The following DARS2 variants were observed in gnomAD, a reference collection of about 807,000 sequenced individuals.
The protein encoded by DARS2 is aspartate--tRNA ligase, mitochondrial.
A neutral mutation model predicts 83.0 loss-of-function variants in DARS2; 63 were observed. The observed-to-expected ratio is 0.76, with a 90% CI of 0.62 to 0.94. The LOEUF (loss-of-function observed/expected upper bound fraction) is 0.94. Ranked by LOEUF, DARS2 falls within the 40% of genes least tolerant of loss-of-function variation. The pLI is 0.00. For synonymous variants in DARS2, 250 were observed against 269.3 expected (o/e 0.93, Z 0.70); for missense variants, 675 against 774.4 (o/e 0.87, Z 1.52).
chr1:173,828,052 A>G (rs1255791913), intron 2 of DARS2, among the ~76,000 whole-genome samples: 2 of 152,214 alleles, frequency 1.3e-5, no homozygotes, highest in Non-Finnish European at 2.9e-5. Context: ...TTAATAAGCC[A>G]TCTGTATAAG....
chr1:173,842,528 C>G (rs1653269844), intron 11 of DARS2, among the ~76,000 whole-genome samples: 1 of 149,978 alleles, frequency 6.7e-6, no homozygotes, highest in African/African-American at 2.4e-5. Context: ...GTCTCAAACT[C>G]CTGACCTCAG....
intron 2 of DARS2, among the ~76,000 whole-genome samples, chr1:173,827,404 C>T (rs538140888): frequency 2.0e-5 from 3 of 152,026 alleles, no homozygotes; most frequent in Non-Finnish European, 4.4e-5. Context: ...CCGAGGCGGG[C>T]GGATCACGAG....
Position 173,825,273 on chromosome 1 carries a change from C to T in DARS2, c.44C>T (p.Ser15Phe), listed in dbSNP as rs372766904. Residue 15 changes from serine (S) to phenylalanine (F), a missense_variant, in exon 1 of 17, where the codon TCC (serine) becomes TTC (phenylalanine). Ser to Phe is a radical substitution (Grantham distance 155). Coordinates refer to ENST00000649689, the MANE Select transcript of DARS2 (RefSeq NM_018122.5). ...TTAAGTCAGCTGTACAGGGGTTTAT[C>T]CAGACCCATCAGAAGGACCACCCAA... ...SWLSQLYRGLSRPIRRTTQPI... is the reference protein window; with the variant it reads ...SWLSQLYRGLFRPIRRTTQPI... The T allele has an allele frequency of 1.7e-5, 28 of 1,613,630 alleles. No individual in the cohort carries two copies. In the South Asian group the frequency reaches 3.0e-4, roughly 17 times the overall value.
rs545287779 is a variant in DARS2 at position 173,844,616 on chromosome 1, G to A, written c.1129-613G>A. On this transcript the variant is annotated intron_variant, in intron 11 of 16. Coordinates refer to ENST00000649689, the MANE Select transcript of DARS2 (RefSeq NM_018122.5). ...ACCTGGGAGGTGGAGGTTTTAGTGA[G>A]CTGAGATCACGCCACTGTACTCCAG... 6.3e-5 allele frequency among the ~76,000 whole-genome samples: 8 copies of A among 127,514 alleles called. No homozygotes were observed. In the South Asian group the frequency reaches 1.1e-3, roughly 18 times the overall value. 83.7% of individuals were successfully genotyped at this position (127,514 alleles called of 152,430 possible).
chr1:173,853,729 G>T, intron 14 of DARS2, 66 bp from the exon 15 acceptor site: 1 of 1,521,546 alleles, frequency 6.6e-7, no homozygotes, highest in East Asian at 2.3e-5. Context: ...AATCTACAGG[G>T]TCTTCAACCC....
In DARS2 at chr1:173,838,210, G is replaced by C; in HGVS notation, c.791G>C (p.Cys264Ser). ...GLDRYFQVAR[C>S]YRDEGSRPDR... ...TGTAGATATTTTCAGGTTGCCCGAT[G>C]TTATCGAGATGAAGGTTCAAGACCA... is the stretch of plus-strand genomic sequence containing the variant. The change falls in exon 9 of 17, where the codon TGT becomes TCT. Residue 264 changes from cysteine (C) to serine (S), a missense_variant. Physicochemically the swap from Cys to Ser is moderately radical, Grantham distance 112. Coordinates refer to ENST00000649689, the MANE Select transcript of DARS2 (RefSeq NM_018122.5). 24 of 1,613,590 alleles carry C rather than the reference G, an allele frequency of 1.5e-5. No individual in the cohort carries two copies. Among genetic ancestry groups the C allele is most frequent in the Non-Finnish European group, 1.9e-5 (23 of 1,179,530 alleles).
At chr1:173,842,284 C>CTTTTTTTTTTTTTATTTTTTT (rs1653252178) in intron 11 of DARS2, among the ~76,000 whole-genome samples, 1 of 64,224 alleles carries the variant, frequency 1.6e-5, no homozygotes, top group African/African-American at 6.7e-5. Context: ...TCATTACTTT[C>CTTTTTTTTTTTTTATTTTTTT]TTTTTTTTTT....
rs375033233 is a variant in DARS2 at position 173,831,522 on chromosome 1, C to T, written c.397-13C>T. The T allele has an allele frequency of 5.6e-6, 9 of 1,597,896 alleles. No homozygotes were observed. The highest frequency in any genetic ancestry group is 6.9e-6 in the Non-Finnish European group (8 of 1,165,354). On this transcript the variant is annotated splice_polypyrimidine_tract_variant and intron_variant, in intron 4 of 16. Coordinates refer to ENST00000649689, the MANE Select transcript of DARS2 (RefSeq NM_018122.5). ...TGAGTAATTTTTAAAACCCTTCCTT[C>T]TCACTCTCCAAGAAAATGCCAACAG...
chr1:173,834,757 TGGTTTGTTTTGGGTTTTTTTTTTTG>T (rs1652930080), intron 7 of DARS2, among the ~76,000 whole-genome samples: 3 of 63,950 alleles, frequency 4.7e-5, no homozygotes, highest in African/African-American at 6.1e-5. Flanking sequence ...TTTTTTTTTT[TGGTTTGTTTTGGGTTTTTTTTTTTG>T]TTTTTTTTTT....
chr1:173,843,544 A>C (rs1040858675), intron 11 of DARS2, among the ~76,000 whole-genome samples: 2 of 152,188 alleles, frequency 1.3e-5, no homozygotes, highest in African/African-American at 4.8e-5. Context: ...TGGGCAACAG[A>C]GTGAGACTCC....
At chr1:173,848,133 G>T (rs1653513309) in intron 12 of DARS2, among the ~76,000 whole-genome samples, 1 of 152,096 alleles carries the variant, frequency 6.6e-6, no homozygotes. Context: ...GATTACAGGC[G>T]TGAGCCACCG....
chr1:173,832,646 G>A (rs1158300957), intron 5 of DARS2, among the ~76,000 whole-genome samples: 4 of 151,886 alleles, frequency 2.6e-5, no homozygotes, highest in Non-Finnish European at 5.9e-5. Flanking sequence ...GCAGGCACTT[G>A]TAGTCCCAGC....
chr1:173,849,296 G>A (rs1157231226), intron 12 of DARS2, among the ~76,000 whole-genome samples: 6 of 151,926 alleles, frequency 3.9e-5, no homozygotes, highest in African/African-American at 1.4e-4. Context: ...CACTTTGGGA[G>A]GCCAAGGCGG....
At chr1:173,825,554 C>T (rs540376025) in intron 1 of DARS2, among the ~76,000 whole-genome samples, 198 bp downstream of exon 1, 1 of 151,828 alleles carries the variant, frequency 6.6e-6, no homozygotes, top group East Asian at 1.9e-4. Flanking sequence ...CTGCAAGCTC[C>T]GCCTCCCGGG....
intron 12 of DARS2, among the ~76,000 whole-genome samples, chr1:173,847,932 A>G (rs1653499448): frequency 6.9e-6 from 1 of 145,646 alleles, no homozygotes; most frequent in Non-Finnish European, 1.5e-5. Context: ...GGCTCACTGC[A>G]AGCTCCGCCT....
chr1:173,854,346 A>G (rs1653785226), intron 15 of DARS2, among the ~76,000 whole-genome samples: 2 of 152,208 alleles, frequency 1.3e-5, no homozygotes, highest in African/African-American at 4.8e-5. Context: ...AGCATCAGCT[A>G]TCTCTCTACC....
intron 7 of DARS2, 46 bp from the exon 8 acceptor site, chr1:173,836,894 T>G (rs762087849): frequency 7.8e-6 from 12 of 1,548,242 alleles, no homozygotes; most frequent in Non-Finnish European, 9.8e-6. Flanking sequence ...GGTTTGTTTT[T>G]GTTTTTTAAT....
intron 11 of DARS2, among the ~76,000 whole-genome samples, chr1:173,841,292 G>A (rs905315002): frequency 5.9e-5 from 9 of 151,674 alleles, no homozygotes; most frequent in African/African-American, 1.9e-4. Context: ...CAGGAGAATC[G>A]CTTGAACCTG....
At chr1:173,856,580 G>A (rs921822697) in intron 15 of DARS2, 86 bp from the exon 16 acceptor site, 2 of 1,214,316 alleles carry the variant, frequency 1.6e-6, no homozygotes, top group African/African-American at 3.0e-5. Context: ...ACTCAACTTT[G>A]TTTCCCCTTT....
Sources: allele counts gnomAD v4.1 joint callset (sites outside exome capture counted in the v4.1 genomes callset), GRCh38; gene constraint gnomAD v4.1.1; transcripts MANE v1.5; gene names NCBI Gene and HGNC (gene_info 2026-07-23, HGNC 2026-07-21).